Variants in GDA observed in about 807,000 individuals in gnomAD.
GDA encodes the protein guanine deaminase.
Under a neutral mutation model 59.6 loss-of-function variants are expected in GDA, and 18 were observed. That is an observed-to-expected ratio of 0.30 (90% CI 0.21 to 0.45). GDA has a LOEUF of 0.45. Ranked by LOEUF, GDA falls within the 20% of genes least tolerant of loss-of-function variation. The probability of loss-of-function intolerance (pLI) is 1.00; values close to 1 mark genes in which losing one functional copy is unlikely to be tolerated. For synonymous variants in GDA, 201 were observed against 201.1 expected, an observed-to-expected ratio of 1.00 and a Z score of 0.00; for missense variants, 427 against 552.3, an observed-to-expected ratio of 0.77 and a Z score of 2.27.
chr9:72,236,354 C>A (rs760212987), intron 10 of GDA, among the ~76,000 whole-genome samples: 1 of 152,074 alleles, frequency 6.6e-6, no homozygotes, highest in Non-Finnish European at 1.5e-5. Flanking sequence ...CTGTAATAAG[C>A]GTATATCTCC....
At chr9:72,155,303 A>G (rs1283866012) in intron 1 of GDA, among the ~76,000 whole-genome samples, 1 of 152,174 alleles carries the variant, frequency 6.6e-6, no homozygotes, top group African/African-American at 2.4e-5. Flanking sequence ...CTTATTCACT[A>G]CCATGAGAAC....
chr9:72,167,086 G>C (rs144892294), intron 1 of GDA, among the ~76,000 whole-genome samples: 1 of 152,074 alleles, frequency 6.6e-6, no homozygotes, highest in African/African-American at 2.4e-5. Context: ...AGAAATTGAC[G>C]CTTTTGGTCT....
rs545517403 is a variant in GDA at position 72,212,872 on chromosome 9, A to T, written c.473-1014A>T. ...AGAGAGTCTTTCTTTAGGACCTGAG[A>T]CTGTTTGCTCCTTTACCATGTGATA... On this transcript the variant is annotated intron_variant, in intron 4 of 13. Transcript: ENST00000358399. Among the ~76,000 whole-genome samples, 3 of 152,250 alleles carry T rather than the reference A, an allele frequency of 2.0e-5. No homozygotes were observed. In the East Asian group the frequency reaches 5.8e-4, roughly 29 times the overall value.
chr9:72,202,479 G>C (rs1013269640), intron 2 of GDA, 92 bp from the exon 3 acceptor site: 12 of 837,192 alleles, frequency 1.4e-5, no homozygotes, highest in Non-Finnish European at 1.9e-5. Flanking sequence ...TGGGTGAACA[G>C]TGAAATCATG....
intron 1 of GDA, among the ~76,000 whole-genome samples, chr9:72,192,435 T>A (rs1426222368): frequency 6.6e-6 from 1 of 150,476 alleles, no homozygotes; most frequent in African/African-American, 2.4e-5. Context: ...TTTCACCAAG[T>A]TGGCCAGGCT....
At chr9:72,149,377 G>C (rs1253323714), upstream of GDA, 2 of 587,308 alleles carry the variant, frequency 3.4e-6, no homozygotes, top group African/African-American at 2.0e-5. Context: ...CATTGAGGAG[G>C]TAGGGAGCCA....
chr9:72,171,636 G>A (rs1212689396), intron 1 of GDA, among the ~76,000 whole-genome samples: 5 of 151,896 alleles, frequency 3.3e-5, no homozygotes, highest in Admixed American at 1.3e-4. Context: ...TATTGTTCAC[G>A]GCTCCCATTT....
chr9:72,245,156 C>T lies in GDA; in HGVS notation c.1144C>T (p.Leu382=), dbSNP rs1840014820. Residue 382 remains leucine, a synonymous_variant, in exon 12 of 14, where the codon CTG becomes TTG. Coordinates refer to ENST00000358399, the MANE Select transcript of GDA (RefSeq NM_004293.5). Reference sequence around the variant, plus strand: ...TCACTTGTTCTCAATAGCCCTGGGGCTGGATGGTGAGATTGGAAACTTTGA... The same window carrying T: ...TCACTTGTTCTCAATAGCCCTGGGGTTGGATGGTGAGATTGGAAACTTTGA... The part of the protein sequence containing the change: ...ATLGGSQALG[L]DGEIGNFEVG... 1.2e-6 allele frequency: 2 copies of T among 1,613,632 alleles called. No homozygotes were observed. Among genetic ancestry groups the T allele is most frequent in the Admixed American group, 3.3e-5 (2 of 59,996 alleles).
intron 2 of GDA, among the ~76,000 whole-genome samples, chr9:72,198,864 AT>A (rs933076662): frequency 2.3e-5 from 2 of 86,132 alleles, no homozygotes; most frequent in Non-Finnish European, 4.8e-5. Context: ...TATATATAAA[AT>A]TTTTTTTGCT....
chr9:72,224,256 C>T (rs539142441), intron 7 of GDA, among the ~76,000 whole-genome samples: 4 of 152,260 alleles, frequency 2.6e-5, no homozygotes, highest in African/African-American at 7.2e-5. Context: ...CACATTTACT[C>T]ACATTTATCC....
At chr9:72,186,643 AC>A (rs1413151395) in intron 1 of GDA, among the ~76,000 whole-genome samples, 1 of 152,212 alleles carries the variant, frequency 6.6e-6, no homozygotes, top group Admixed American at 6.5e-5. Flanking sequence ...CAAAAGCAAG[AC>A]AAAAATCTAT....
In GDA at chr9:72,230,857, G is replaced by A. The variant is rs556517763; in HGVS notation, c.921-257G>A. ...TTCTTCATTTTTTTCCCATACAAAC[G>A]ATCCCCTGCTTTTCCTTCTGGCTCT... On this transcript the variant is annotated intron_variant, in intron 9 of 13. Transcript: ENST00000358399. Among the ~76,000 whole-genome samples, 16 of 151,994 alleles carry A rather than the reference G, an allele frequency of 1.1e-4. No individual in the cohort carries two copies. In the South Asian group the frequency reaches 3.3e-3, roughly 32 times the overall value.
intron 1 of GDA, among the ~76,000 whole-genome samples, chr9:72,152,875 T>C (rs1355180337): frequency 6.6e-6 from 1 of 152,214 alleles, no homozygotes; most frequent in Non-Finnish European, 1.5e-5. Context: ...CATGCCTATG[T>C]CCTGAATGGT....
chr9:72,231,278 A>AG, intron 10 of GDA, 97 bp downstream of exon 10: 1 of 762,232 alleles, frequency 1.3e-6, no homozygotes, highest in Non-Finnish European at 2.3e-6. Flanking sequence ...GTTTAAAAAA[A>AG]AAAAAAATTA....
chr9:72,158,657 T>G (rs1203603013), intron 1 of GDA, among the ~76,000 whole-genome samples: 1 of 152,044 alleles, frequency 6.6e-6, no homozygotes, highest in Non-Finnish European at 1.5e-5. Context: ...TGAGATAGTG[T>G]GTTGTTATTA....
chr9:72,213,033 G>A (rs1423358706), intron 4 of GDA, among the ~76,000 whole-genome samples: 1 of 152,146 alleles, frequency 6.6e-6, no homozygotes, highest in Non-Finnish European at 1.5e-5. Context: ...CACTTTGGGA[G>A]GCCCAGGCAG....
Position 72,251,692 on chromosome 9 carries a change from T to C in GDA, c.*3350T>C, listed in dbSNP as rs2131895489. ...AAGGAGATGTTAGCAATTTCAGATATACTAGCCAGTTTAGGTATGACTTTG... is the reference window on the plus strand; with the variant it reads ...AAGGAGATGTTAGCAATTTCAGATACACTAGCCAGTTTAGGTATGACTTTG... On this transcript the variant is annotated 3_prime_UTR_variant, in exon 14 of 14. Transcript: ENST00000358399. The C allele has an allele frequency of 6.6e-6, 1 of 152,194 alleles. No individual in the cohort carries two copies. The highest frequency in any genetic ancestry group is 1.5e-5 in the Non-Finnish European group (1 of 67,990). The allele number at this position is 152,194 out of a possible 1,614,324, so 9.4% of individuals were successfully genotyped here.
At chr9:72,253,927 A>C (rs1471903892), downstream of GDA, among the ~76,000 whole-genome samples, 1 of 152,186 alleles carries the variant, frequency 6.6e-6, no homozygotes, top group Admixed American at 6.6e-5. Flanking sequence ...CACATTGTGC[A>C]CATGTACCCT....
intron 1 of GDA, among the ~76,000 whole-genome samples, chr9:72,122,741 T>G (rs1825706249): frequency 6.6e-6 from 1 of 152,140 alleles, no homozygotes; most frequent in South Asian, 2.1e-4. Flanking sequence ...AGTCTTTCTT[T>G]TTCACTGATG....
Sources: gnomAD v4.1 joint callset for allele counts (sites outside exome capture counted in the v4.1 genomes callset) on GRCh38, gnomAD v4.1.1 for gene constraint, MANE v1.5 for transcripts, NCBI Gene and HGNC (gene_info 2026-07-23, HGNC 2026-07-21) for gene names.